Variants in STK3 observed in about 807,000 individuals in gnomAD.
STK3 encodes serine/threonine-protein kinase 3.
Under a neutral mutation model 58.0 loss-of-function variants are expected in STK3, and 41 were observed. The ratio of observed to expected loss-of-function variants is 0.71; its 90% CI spans 0.55 to 0.92. The LOEUF (loss-of-function observed/expected upper bound fraction) is 0.92. Among genes scored for constraint, STK3 ranks in the 40% least tolerant of loss-of-function variants. The pLI is 0.00. For synonymous variants in STK3, 170 were observed against 191.0 expected, an observed-to-expected ratio of 0.89 and a Z score of 0.91; for missense variants, 479 against 602.7, an observed-to-expected ratio of 0.79 and a Z score of 2.15.
intron 10 of STK3, among the ~76,000 whole-genome samples, chr8:98,478,559 G>C (rs936482695): frequency 1.3e-5 from 2 of 152,180 alleles, no homozygotes; most frequent in East Asian, 3.8e-4. Flanking sequence ...AATTTGCAGA[G>C]GGACTTCAGA....
At position 98,914,061 on chromosome 8, in the gene STK3, A is replaced by C. The variant is rs998833083; in HGVS notation, c.-79+28317T>G. On this transcript the variant is annotated intron_variant, in intron 1 of 1. Coordinates refer to the STK3 transcript ENST00000519420. ...TATTCAGTTAAAGCCAATTCAAAAA[A>C]AAAAACAAAAACCCGAGTTTATCAC... Among the ~76,000 whole-genome samples the C allele has an allele frequency of 7.2e-5, 11 of 152,262 alleles. No individual in the cohort carries two copies. In the East Asian group the frequency reaches 1.5e-3, roughly 21 times the overall value.
In STK3 at chr8:98,858,897, T is replaced by TA. The variant is rs762055696; in HGVS notation, c.110+24749dup. ...CAGAGCAAGACAGCAAGACTCCATC[T>TA]AAAAAAAAAAAAAAAAAAAGCAATC... is the stretch of plus-strand genomic sequence containing the variant. On this transcript the variant is annotated intron_variant, in intron 3 of 12. Transcript: ENST00000523601. Among the ~76,000 whole-genome samples the TA allele has an allele frequency of 8.9e-3, 717 of 80,392 alleles. 3 individuals carry two copies. Among genetic ancestry groups the TA allele is most frequent in the East Asian group, 0.021 (59 of 2,850 alleles). The allele number at this position is 80,392 out of a possible 152,430, so 52.7% of individuals were successfully genotyped here.
At chr8:98,400,044 T>G (rs1406114979), downstream of STK3, among the ~76,000 whole-genome samples, 1 of 152,126 alleles carries the variant, frequency 6.6e-6, no homozygotes, top group Non-Finnish European at 1.5e-5. Flanking sequence ...ACGCATCAGA[T>G]CCCGGTGGTG....
Position 98,433,471 on chromosome 8 carries a change from C to T in STK3, n.483+656G>A, listed in dbSNP as rs985414696. On this transcript the variant is annotated intron_variant and non_coding_transcript_variant, in intron 3 of 3. Transcript: ENST00000517832. ...GGCCGGTCCAAAGGCCATGGTGAAT[C>T]GGTAGGAAGGCCACTGGGCTGACTT... Among the ~76,000 whole-genome samples the T allele has an allele frequency of 7.9e-5, 12 of 152,126 alleles. No homozygotes were observed. The East Asian group carries it at 1.9e-3, about 24-fold the overall frequency.
intron 6 of STK3, among the ~76,000 whole-genome samples, chr8:98,674,904 AACT>A (rs1471449932): frequency 6.6e-6 from 1 of 152,198 alleles, no homozygotes; most frequent in African/African-American, 2.4e-5. Context: ...CGGGAATGGT[AACT>A]ACATTTCACA....
chr8:98,572,260 T>C (rs1813024972), intron 8 of STK3, among the ~76,000 whole-genome samples: 2 of 152,142 alleles, frequency 1.3e-5, no homozygotes, highest in Non-Finnish European at 2.9e-5. Flanking sequence ...ACATTTTGAA[T>C]ACTAGAGTTA....
At chr8:98,872,846 T>G (rs1304509140) in intron 3 of STK3, among the ~76,000 whole-genome samples, 4 of 152,248 alleles carry the variant, frequency 2.6e-5, no homozygotes, top group Non-Finnish European at 5.9e-5. Flanking sequence ...TCCTTAGTTC[T>G]GCTCTGATCT....
At chr8:98,655,992 C>A (rs552743258) in intron 6 of STK3, among the ~76,000 whole-genome samples, 45 of 152,226 alleles carry the variant, frequency 3.0e-4, no homozygotes, top group African/African-American at 9.9e-4. Flanking sequence ...TGGGTATATA[C>A]CCAAAGGACT....
chr8:98,422,086 T>C (rs1818181032), intron 3 of STK3, among the ~76,000 whole-genome samples: 1 of 152,108 alleles, frequency 6.6e-6, no homozygotes, highest in Non-Finnish European at 1.5e-5. Flanking sequence ...CACACAGGGA[T>C]GGAAGGGCTG....
At chr8:98,704,938 C>T (rs1476071351) in intron 6 of STK3, among the ~76,000 whole-genome samples, 1 of 152,302 alleles carries the variant, frequency 6.6e-6, no homozygotes, top group Middle Eastern at 3.4e-3. Flanking sequence ...GAGGATCACC[C>T]TACAAACATC....
rs553473915 is a variant in STK3, at chr8:98,745,831, A to T, written c.351+3445T>A. ...ATGTGTCACCTGACAACATGGATACATTCTGAAAGACATCATTAGGCAACT... is the reference window on the plus strand; with the variant it reads ...ATGTGTCACCTGACAACATGGATACTTTCTGAAAGACATCATTAGGCAACT... On this transcript the variant is annotated intron_variant, in intron 4 of 10. Transcript: ENST00000419617. Among the ~76,000 whole-genome samples, 5 of 152,336 alleles carry T rather than the reference A, an allele frequency of 3.3e-5. No individual in the cohort carries two copies. In the South Asian group the frequency reaches 1.0e-3, roughly 32 times the overall value.
intron 3 of STK3, chr8:98,427,799 C>T (rs941451595): frequency 1.5e-5 from 9 of 583,726 alleles, no homozygotes; most frequent in African/African-American, 1.5e-4. Flanking sequence ...GGGATCAGAC[C>T]CCTCAAACTC....
intron 6 of STK3, among the ~76,000 whole-genome samples, chr8:98,691,597 T>A (rs1824407380): frequency 6.6e-6 from 1 of 151,798 alleles, no homozygotes; most frequent in Non-Finnish European, 1.5e-5. Context: ...AACAAGCAGG[T>A]CAGTACTAGA....
intron 6 of STK3, among the ~76,000 whole-genome samples, chr8:98,675,813 G>A (rs1162531030): frequency 6.6e-6 from 1 of 151,548 alleles, no homozygotes; most frequent in African/African-American, 2.4e-5. Flanking sequence ...GCAGTGAGCC[G>A]ATATTGCACC....
intron 6 of STK3, among the ~76,000 whole-genome samples, chr8:98,617,897 A>G (rs978651131): frequency 2.5e-4 from 38 of 152,046 alleles, no homozygotes; most frequent in East Asian, 7.8e-4. Flanking sequence ...AGGAGGAACT[A>G]GTACCATTCC....
intron 3 of STK3, chr8:98,429,352 G>A (rs1211054710): frequency 1.2e-6 from 2 of 1,614,146 alleles, no homozygotes; most frequent in Non-Finnish European, 1.7e-6. Context: ...CTTATGGCAA[G>A]CCTGACGAAC....
At position 98,706,650 on chromosome 8, in the gene STK3, A is replaced by G. The variant is rs778555329; in HGVS notation, c.517-16T>C. On this transcript the variant is annotated splice_polypyrimidine_tract_variant and intron_variant, in intron 5 of 10. Coordinates refer to ENST00000419617, the MANE Select transcript of STK3 (RefSeq NM_006281.4). ...CCATTGTATCCTGCAATAATGTTAC[A>G]TAGCCATAAATGCTACTACAAAAGC... 2 of 1,555,974 alleles carry G rather than the reference A, an allele frequency of 1.3e-6. No individual in the cohort carries two copies. Among genetic ancestry groups the G allele is most frequent in the Non-Finnish European group, 1.7e-6 (2 of 1,153,810 alleles).
upstream of STK3, among the ~76,000 whole-genome samples, chr8:98,392,757 C>T (rs1817860202): frequency 6.6e-6 from 1 of 152,228 alleles, no homozygotes; most frequent in South Asian, 2.1e-4. Context: ...GTAGGGTCAT[C>T]TTGTCCACTT....
chr8:98,589,856 A>G (rs1360689071), intron 7 of STK3, among the ~76,000 whole-genome samples: 2 of 152,006 alleles, frequency 1.3e-5, no homozygotes, highest in Admixed American at 1.3e-4. Flanking sequence ...GAGTGGCCTG[A>G]TTTTCCAGGT....
Sources: allele counts gnomAD v4.1 joint callset (sites outside exome capture counted in the v4.1 genomes callset), GRCh38; gene constraint gnomAD v4.1.1; transcripts MANE v1.5; gene names NCBI Gene and HGNC (gene_info 2026-07-23, HGNC 2026-07-21).